Variants in RABGEF1 observed in about 807,000 individuals in gnomAD.
RABGEF1 encodes RAB guanine nucleotide exchange factor 1.
Under a neutral mutation model 57.3 loss-of-function variants are expected in RABGEF1, and 26 were observed. The observed-to-expected ratio is 0.45, with a 90% CI of 0.33 to 0.63. The LOEUF (loss-of-function observed/expected upper bound fraction) is 0.63, where lower values mean the gene tolerates loss of function less well. RABGEF1 is among the 20% of genes least tolerant of loss of function. The pLI is 0.02. For missense variants in RABGEF1, 464 were observed against 607.6 expected, an observed-to-expected ratio of 0.76 and a Z score of 2.48; for synonymous variants, 185 against 210.7, an observed-to-expected ratio of 0.88 and a Z score of 1.06.
At chr7:66,775,194 T>A in intron 2 of RABGEF1, 33 bp from the exon 3 acceptor site, 1 of 1,585,646 alleles carries the variant, frequency 6.3e-7, no homozygotes, top group Non-Finnish European at 8.6e-7. Context: ...TTGGAGAATA[T>A]CTAGGTCATT....
intron 1 of RABGEF1, among the ~76,000 whole-genome samples, chr7:66,694,704 G>A (rs1192920237): frequency 2.0e-5 from 3 of 152,190 alleles, no homozygotes; most frequent in African/African-American, 7.2e-5. Context: ...GAATGAAGTC[G>A]GAATCTCGTG....
the RABGEF1 span, among the ~76,000 whole-genome samples, chr7:66,658,574 G>T: frequency 0.039 from 5,900 of 149,946 alleles, 165 homozygotes; most frequent in East Asian, 0.087. Flanking sequence ...ATGGGTAAAC[G>T]TATAACTAGT....
chr7:66,745,706 T>C (rs1246862977), intron 1 of RABGEF1, among the ~76,000 whole-genome samples: 1 of 151,120 alleles, frequency 6.6e-6, no homozygotes, highest in Non-Finnish European at 1.5e-5. Context: ...GAGGCGGAAA[T>C]TGCAATGAGC....
At chr7:66,680,750 T>C (rs1171922705), upstream of RABGEF1, among the ~76,000 whole-genome samples, 1 of 152,028 alleles carries the variant, frequency 6.6e-6, no homozygotes, top group Non-Finnish European at 1.5e-5. Flanking sequence ...AGTACTAGAC[T>C]AGACTGGCCA....
the RABGEF1 span, among the ~76,000 whole-genome samples, chr7:66,668,054 T>A: frequency 2.0e-5 from 3 of 152,162 alleles, no homozygotes; most frequent in African/African-American, 7.2e-5. Flanking sequence ...GGCCTTGGCC[T>A]CCCAAATTGC....
intron 1 of RABGEF1, among the ~76,000 whole-genome samples, chr7:66,741,193 C>T (rs1461060201): frequency 3.9e-5 from 6 of 152,192 alleles, no homozygotes; most frequent in Non-Finnish European, 8.8e-5. Flanking sequence ...CGCACGGGGC[C>T]CCTCCCACAA....
At chr7:66,790,251 G>A (rs68168107) in intron 4 of RABGEF1, among the ~76,000 whole-genome samples, 39,842 of 152,120 alleles carry the variant, frequency 0.26, 5,774 homozygotes, top group East Asian at 0.43. Context: ...ACAATGAGTG[G>A]AGTCCAGATT....
At chr7:66,715,797 G>T (rs1188693392) in intron 2 of RABGEF1, among the ~76,000 whole-genome samples, 1 of 152,002 alleles carries the variant, frequency 6.6e-6, no homozygotes, top group Non-Finnish European at 1.5e-5. Context: ...AAGCTGGAGT[G>T]CAGTGGCTAT....
chr7:66,773,909 G>A (rs750589473), intron 2 of RABGEF1: 2 of 410,492 alleles, frequency 4.9e-6, no homozygotes, highest in Admixed American at 2.7e-5. Context: ...CAAGTGATCC[G>A]GCCGCCTTGG....
chr7:66,781,084 A>G (rs569269296), intron 3 of RABGEF1, among the ~76,000 whole-genome samples: 37 of 152,020 alleles, frequency 2.4e-4, no homozygotes, highest in Middle Eastern at 3.4e-3. Context: ...TGCTGTTTGT[A>G]TTTATCCCAA....
intron 4 of RABGEF1, among the ~76,000 whole-genome samples, chr7:66,794,333 C>A (rs978110301): frequency 6.2e-5 from 8 of 129,298 alleles, no homozygotes; most frequent in Non-Finnish European, 1.3e-4. Context: ...CTTTTCTTTT[C>A]TTTCTTGAGA....
At position 66,767,249 on chromosome 7, in the gene RABGEF1, C is replaced by T. The variant is rs545345426; in HGVS notation, c.-17-4634C>T. Among the ~76,000 whole-genome samples the T allele has an allele frequency of 8.6e-5, 13 of 151,766 alleles. 1 individual carries two copies. In the South Asian group the frequency reaches 2.5e-3, roughly 29 times the overall value. On this transcript the variant is annotated intron_variant, in intron 1 of 8. Coordinates refer to ENST00000284957, the MANE Select transcript of RABGEF1 (RefSeq NM_014504.3). Reference sequence around the variant, plus strand: ...AACTCCTGCCCTCAGGTGATCCACCCGCCTCAGCCTCCCAAAGTGCTGGGA... The same window carrying T: ...AACTCCTGCCCTCAGGTGATCCACCTGCCTCAGCCTCCCAAAGTGCTGGGA...
intron 2 of RABGEF1, among the ~76,000 whole-genome samples, chr7:66,772,929 T>A (rs905536616): frequency 5.3e-4 from 80 of 150,672 alleles, no homozygotes; most frequent in African/African-American, 1.5e-3. Flanking sequence ...AATAAATAAA[T>A]AAATAAATAA....
chr7:66,768,870 C>G, intron 1 of RABGEF1: 1 of 152,080 alleles, frequency 6.6e-6, no homozygotes, highest in Admixed American at 6.5e-5. Context: ...CCATGTCTTT[C>G]CACCACTGCC....
At chr7:66,766,990 T>C (rs1179380370) in intron 1 of RABGEF1, among the ~76,000 whole-genome samples, 1 of 146,624 alleles carries the variant, frequency 6.8e-6, no homozygotes. Flanking sequence ...GGAAATTGCC[T>C]GTCAAGTTTC....
At chr7:66,660,116 G>C in the RABGEF1 span, among the ~76,000 whole-genome samples, 4 of 151,046 alleles carry the variant, frequency 2.6e-5, no homozygotes, top group African/African-American at 9.7e-5. Context: ...GGGAGGCCAA[G>C]GCCGGCGGAT....
At chr7:66,664,894 T>C in the RABGEF1 span, among the ~76,000 whole-genome samples, 1 of 152,262 alleles carries the variant, frequency 6.6e-6, no homozygotes, top group Non-Finnish European at 1.5e-5. Flanking sequence ...GTGTCAACTC[T>C]GCGATCCAGA....
At chr7:66,799,967 A>T (rs1786900471) in intron 7 of RABGEF1, among the ~76,000 whole-genome samples, 2 of 152,160 alleles carry the variant, frequency 1.3e-5, no homozygotes, top group Non-Finnish European at 2.9e-5. Flanking sequence ...CAGCCTCCTA[A>T]TAAGGTTTGT....
chr7:66,809,347 CTGAT>C lies in RABGEF1; in HGVS notation c.*66_*69del. On this transcript the variant is annotated 3_prime_UTR_variant, in exon 9 of 9. Transcript: ENST00000284957. ...TGTAGGTAGCCCTTACTACACTCAA[CTGAT>C]TGGGATCTAGAATGTAACTAAATTG... The C allele has an allele frequency of 2.0e-6, 3 of 1,483,964 alleles. No individual in the cohort carries two copies. Among genetic ancestry groups the C allele is most frequent in the South Asian group, 1.3e-5 (1 of 75,140 alleles). 91.9% of individuals were successfully genotyped at this position (1,483,964 alleles called of 1,614,324 possible). A position where few individuals can be genotyped will look rare whatever the true frequency, so the allele number is the denominator to read the frequency against.
Sources: allele counts gnomAD v4.1 joint callset (sites outside exome capture counted in the v4.1 genomes callset), GRCh38; gene constraint gnomAD v4.1.1; transcripts MANE v1.5; gene names NCBI Gene and HGNC (gene_info 2026-07-23, HGNC 2026-07-21).